ADAMTS4: variants seen among roughly 807,000 people sequenced by gnomAD.
The protein encoded by ADAMTS4 is ADAM metallopeptidase with thrombospondin type 1 motif 4.
In ADAMTS4, 38 loss-of-function variants were observed where a neutral mutation model predicts 66.7. The observed-to-expected ratio is 0.57, with a 90% CI of 0.44 to 0.75. The LOEUF (loss-of-function observed/expected upper bound fraction) is 0.75. Ranked by LOEUF, ADAMTS4 falls within the 30% of genes least tolerant of loss-of-function variation. ADAMTS4 has a pLI of 0.00. For synonymous variants in ADAMTS4, 418 were observed against 461.5 expected (o/e 0.91, Z 1.21); for missense variants, 1,014 against 1,116.7 (o/e 0.91, Z 1.31).
In ADAMTS4 at chr1:161,198,845, C is replaced by G. The variant is rs1242515647; in HGVS notation, c.-218G>C. The stretch of plus-strand genomic sequence containing the variant: ...CCCAGGGGTCTGGCTTCTCCAAACT[C>G]TCCTCCTGAGCCCTCCTTTCCTGGA... On this transcript the variant is annotated 5_prime_UTR_variant, in exon 1 of 9. Transcript: ENST00000367996. The surrounding 1 kb of genome is among the most constrained non-coding windows in gnomAD (Gnocchi z 4.7). 3 of 486,516 alleles carry G rather than the reference C, an allele frequency of 6.2e-6. No individual in the cohort carries two copies. The highest frequency in any genetic ancestry group is 1.1e-5 in the Non-Finnish European group (3 of 277,802). 30.1% of individuals were successfully genotyped at this position (486,516 alleles called of 1,614,324 possible).
rs373458115 is a variant in ADAMTS4 at position 161,198,378 on chromosome 1, G to A, written c.250C>T (p.Arg84Cys). Residue 84 changes from arginine (R) to cysteine (C), a missense_variant, in exon 1 of 9, where the codon CGC (arginine) becomes TGC (cysteine). Arg to Cys is a radical substitution (Grantham distance 180). Transcript: ENST00000367996. The surrounding 1 kb of genome is among the most constrained non-coding windows in gnomAD (Gnocchi z 4.7). ...GSGAPARLLC[R>C]LQAFGETLLL... is the part of the protein sequence containing the mutation. ...AGCGTCTCCCCAAAGGCCTGCAAGC[G>A]GCACAACAGCCTGGCAGGGGCGCCC... 2.3e-5 allele frequency: 37 copies of A among 1,612,456 alleles called. No individual in the cohort carries two copies. Among genetic ancestry groups the A allele is most frequent in the East Asian group, 1.6e-4 (7 of 44,806 alleles).
At chr1:161,195,401 T>G in intron 4 of ADAMTS4, 64 bp downstream of exon 4, 36 of 1,509,670 alleles carry the variant, frequency 2.4e-5, no homozygotes, top group Non-Finnish European at 2.6e-5. Flanking sequence ...GCAGCGGAAG[T>G]GAGAGTGCCC....
Position 161,195,503 on chromosome 1 carries a change from C to G in ADAMTS4, c.1223G>C (p.Ser408Thr), listed in dbSNP as rs1558075720. ...VDPEEPWSPCSARFITDFLDN... is the reference protein window; with the variant it reads ...VDPEEPWSPCTARFITDFLDN... ...CAGGAAGTCAGTGATGAAGCGGGCACTGCAGGGGGACCAGGGCTCCTCAGG... is the reference window on the plus strand; with the variant it reads ...CAGGAAGTCAGTGATGAAGCGGGCAGTGCAGGGGGACCAGGGCTCCTCAGG... The change falls in exon 4 of 9, where the codon AGT becomes ACT. Residue 408 changes from serine to threonine, a missense_variant. Physicochemically the swap from Ser to Thr is moderately conservative, Grantham distance 58 (BLOSUM62 1). Coordinates refer to ENST00000367996, the MANE Select transcript of ADAMTS4 (RefSeq NM_005099.6). 6.2e-7 allele frequency: 1 copy of G among 1,613,392 alleles called. No homozygotes were observed. The highest frequency in any genetic ancestry group is 8.5e-7 in the Non-Finnish European group (1 of 1,179,638).
rs1664734043 is a variant in ADAMTS4, at chr1:161,193,592, C to T, written c.1735+48G>A. ...TCTTGCACTCAAGGGACAGTCCTTC[C>T]TGCTCTACTGTCCCCTCCCAAGGGC... is the stretch of plus-strand genomic sequence containing the variant. On this transcript the variant is annotated intron_variant, in intron 6 of 8. Coordinates refer to ENST00000367996, the MANE Select transcript of ADAMTS4 (RefSeq NM_005099.6). This position sits in a 1 kb window ranked among gnomAD's most constrained non-coding sequence, Gnocchi z 4.4. 1 of 1,567,496 alleles carries T rather than the reference C, an allele frequency of 6.4e-7. No individual in the cohort carries two copies. Among genetic ancestry groups the T allele is most frequent in the Non-Finnish European group, 8.7e-7 (1 of 1,154,906 alleles).
Position 161,191,065 on chromosome 1 carries a change from A to G in ADAMTS4, c.*73T>C. On this transcript the variant is annotated 3_prime_UTR_variant, in exon 9 of 9. Coordinates refer to ENST00000367996, the MANE Select transcript of ADAMTS4 (RefSeq NM_005099.6). ...CCACTGAGTCTTAGCATGAGGCAGC[A>G]ACAGAAGCTCTCTCTTTCTCCCAGC... 4 of 1,474,410 alleles carry G rather than the reference A, an allele frequency of 2.7e-6. No individual in the cohort carries two copies. The highest frequency in any genetic ancestry group is 3.6e-6 in the Non-Finnish European group (4 of 1,107,824). 91.3% of individuals were successfully genotyped at this position (1,474,410 alleles called of 1,614,324 possible).
Position 161,198,213 on chromosome 1 carries a change from C to T in ADAMTS4, c.415G>A (p.Val139Met). ...CCCCCATCCCAGTGCAGAGATGCCA[C>T]CGACTCCGGATCTCCATTGATGGTG... ...TGTINGDPES[V>M]ASLHWDGGAL... Residue 139 changes from valine to methionine, a missense_variant, in exon 1 of 9, where the codon GTG (valine) becomes ATG (methionine). Physicochemically the swap from Val to Met is conservative, Grantham distance 21. Coordinates refer to ENST00000367996, the MANE Select transcript of ADAMTS4 (RefSeq NM_005099.6). This position sits in a 1 kb window ranked among gnomAD's most constrained non-coding sequence, Gnocchi z 4.7. 1 of 1,614,114 alleles carries T rather than the reference C, an allele frequency of 6.2e-7. No individual in the cohort carries two copies.
chr1:161,197,127 C>T, intron 1 of ADAMTS4: 1 of 489,750 alleles, frequency 2.0e-6, no homozygotes, highest in South Asian at 2.4e-5. Context: ...GAAGGGGACG[C>T]CACATCCCAG....
rs751090820 is a variant in ADAMTS4, at chr1:161,196,127, C to T, written c.1090+44G>A. 5.2e-6 allele frequency: 8 copies of T among 1,528,532 alleles called. No homozygotes were observed. In the Admixed American group the frequency reaches 1.0e-4, roughly 20 times the overall value. 94.7% of individuals were successfully genotyped at this position (1,528,532 alleles called of 1,614,324 possible). ...GTGGTGAACTTGCTACCCCCTCCCCCACCTTCTCCTCCCTAATACCTTTCT... is the reference window on the plus strand; with the variant it reads ...GTGGTGAACTTGCTACCCCCTCCCCTACCTTCTCCTCCCTAATACCTTTCT... On this transcript the variant is annotated intron_variant, in intron 3 of 8. Coordinates refer to ENST00000367996, the MANE Select transcript of ADAMTS4 (RefSeq NM_005099.6).
In ADAMTS4 at chr1:161,190,835, A is replaced by T; in HGVS notation, c.*303T>A. On this transcript the variant is annotated 3_prime_UTR_variant, in exon 9 of 9. Transcript: ENST00000367996. ...AATAAAAGTGAATAAATACTAAATA[A>T]ATACAACTGGGGCCCAGGCCCTCCC... 1 of 311,436 alleles carries T rather than the reference A, an allele frequency of 3.2e-6. No homozygotes were observed. Among genetic ancestry groups the T allele is most frequent in the East Asian group, 5.5e-5 (1 of 18,242 alleles). 19.3% of individuals were successfully genotyped at this position (311,436 alleles called of 1,614,324 possible).
At chr1:161,197,684 C>G (rs1664908433) in intron 1 of ADAMTS4, among the ~76,000 whole-genome samples, 1 of 151,982 alleles carries the variant, frequency 6.6e-6, no homozygotes, top group African/African-American at 2.4e-5. Flanking sequence ...GAGACCTTTA[C>G]TGCTGGGGAC....
chr1:161,193,717 C>T lies in ADAMTS4; in HGVS notation c.1658G>A (p.Arg553Gln), dbSNP rs751930428. The change falls in exon 6 of 9, where the codon CGG (arginine) becomes CAG (glutamine). Residue 553 changes from arginine (R) to glutamine (Q), a missense_variant. Physicochemically the swap from Arg to Gln is conservative, Grantham distance 43. Coordinates refer to ENST00000367996, the MANE Select transcript of ADAMTS4 (RefSeq NM_005099.6). The surrounding 1 kb of genome is among the most constrained non-coding windows in gnomAD (Gnocchi z 4.4). ...SSRDCTRPVP[R>Q]NGGKYCEGRR... is the part of the protein sequence containing the mutation. ...GCCCTCACAGTACTTGCCACCATTCCGGGGGACAGGCCTCGTGCAGTCTCG... is the reference window on the plus strand; with the variant it reads ...GCCCTCACAGTACTTGCCACCATTCTGGGGGACAGGCCTCGTGCAGTCTCG... The T allele has an allele frequency of 1.6e-5, 26 of 1,613,984 alleles. No homozygotes were observed. The highest frequency in any genetic ancestry group is 1.2e-4 in the South Asian group (11 of 91,074).
chr1:161,188,910 T>TATATATATATATATATATA lies in ADAMTS4; in HGVS notation c.*2227_*2228insTATATATATATATATATAT, dbSNP rs1558071757. The TATATATATATATATATATA allele has an allele frequency of 1.8e-5, 1 of 54,868 alleles. No homozygotes were observed. Among genetic ancestry groups the TATATATATATATATATATA allele is most frequent in the South Asian group, 6.9e-4 (1 of 1,454 alleles). The allele number at this position is 54,868 out of a possible 1,614,324, so 3.4% of individuals were successfully genotyped here. ...TATATATATATATATATATATATATTTTGTATTTTTAGTAGACACGGGGTT... is the reference window on the plus strand; with the variant it reads ...TATATATATATATATATATATATATTATATATATATATATATATATTGTATTTTTAGTAGACACGGGGTT... On this transcript the variant is annotated 3_prime_UTR_variant, in exon 9 of 9. Coordinates refer to ENST00000367996, the MANE Select transcript of ADAMTS4 (RefSeq NM_005099.6).
Position 161,191,285 on chromosome 1 carries a change from G to A in ADAMTS4, c.2367C>T (p.Gly789=), listed in dbSNP as rs771185545. The A allele has an allele frequency of 3.1e-6, 5 of 1,613,496 alleles. No individual in the cohort carries two copies. In the South Asian group the frequency reaches 3.3e-5, roughly 11 times the overall value. The change falls in exon 9 of 9, where the codon GGC becomes GGT. Residue 789 remains glycine, a synonymous_variant. Transcript: ENST00000367996. ...QPLTLQVLVA[G]NPQDTRLRYS... ...ATCGGAGGCGTGTGTCCTGGGGGTT[G>A]CCAGCCACTAGGACTTGCAGTGTCA...
chr1:161,193,142 A>G lies in ADAMTS4; in HGVS notation c.1911+71T>C. ...AGGGTTACTTTGGGTGATCTTTGTT[A>G]TCAGAAAGCAGAGGGAGCACTGCGG... On this transcript the variant is annotated intron_variant, in intron 7 of 8. Coordinates refer to ENST00000367996, the MANE Select transcript of ADAMTS4 (RefSeq NM_005099.6). The surrounding 1 kb of genome is among the most constrained non-coding windows in gnomAD (Gnocchi z 4.4). The G allele has an allele frequency of 6.7e-7, 1 of 1,488,568 alleles. No individual in the cohort carries two copies. Among genetic ancestry groups the G allele is most frequent in the South Asian group, 1.3e-5 (1 of 77,082 alleles). 92.2% of individuals were successfully genotyped at this position (1,488,568 alleles called of 1,614,324 possible). A position where few individuals can be genotyped will look rare whatever the true frequency, so the allele number is the denominator to read the frequency against.
intron 8 of ADAMTS4, 67 bp from the exon 9 acceptor site, chr1:161,191,631 T>A: frequency 6.9e-7 from 1 of 1,441,678 alleles, no homozygotes; most frequent in Admixed American, 1.9e-5. Context: ...GAGCTGTGCT[T>A]ATGTGACTGT....
rs1664530512 is a variant in ADAMTS4 at position 161,185,725 on chromosome 1, T to G, written c.*5413A>C. 6.6e-6 allele frequency: 1 copy of G among 152,140 alleles called. No homozygotes were observed. The highest frequency in any genetic ancestry group is 2.4e-5 in the African/African-American group (1 of 41,410). 9.4% of individuals were successfully genotyped at this position (152,140 alleles called of 1,614,324 possible). On this transcript the variant is annotated 3_prime_UTR_variant, in exon 9 of 9. Transcript: ENST00000367996. ...GAAAACAAAATACTGTAATACTGTA[T>G]GAAGATTACAGAAATGAGACTAGAG... is the stretch of plus-strand genomic sequence containing the variant.
In ADAMTS4 at chr1:161,192,066, T is replaced by C; in HGVS notation, c.2086A>G (p.Arg696Gly). The C allele has an allele frequency of 6.2e-7, 1 of 1,613,618 alleles. No homozygotes were observed. Among genetic ancestry groups the C allele is most frequent in the Non-Finnish European group, 8.5e-7 (1 of 1,179,724 alleles). ...AGGGAGGAATGATGGTGAAAGAACC[T>C]GAATTTCCTGAAGGAGCCTGACTGC... Reference protein sequence around the residue: ...SKQSGSFRKFRYGYNNVVTIP... With the variant: ...SKQSGSFRKFGYGYNNVVTIP... The change falls in exon 8 of 9, where the codon AGG becomes GGG. Residue 696 changes from arginine to glycine, a missense_variant and splice_region_variant. Coordinates refer to ENST00000367996, the MANE Select transcript of ADAMTS4 (RefSeq NM_005099.6).
At position 161,191,501 on chromosome 1, in the gene ADAMTS4, C is replaced by A; in HGVS notation, c.2151G>T (p.Gln717His). ...AGATGCTCCGGTGGCCAGGGTTTCC[C>A]TGCTGCCGGACAAGAATGTGGGTGG... ...AGATHILVRQ[Q>H]GNPGHRSIYL... is the part of the protein sequence containing the mutation. The change falls in exon 9 of 9, where the codon CAG (glutamine) becomes CAT (histidine). Residue 717 changes from glutamine to histidine, a missense_variant. By Grantham distance (24) the Gln-to-His change is conservative (BLOSUM62 0). Coordinates refer to ENST00000367996, the MANE Select transcript of ADAMTS4 (RefSeq NM_005099.6). 1.9e-6 allele frequency: 3 copies of A among 1,614,058 alleles called. No homozygotes were observed. Among genetic ancestry groups the A allele is most frequent in the Non-Finnish European group, 1.7e-6 (2 of 1,179,932 alleles).
intron 1 of ADAMTS4, chr1:161,197,576 C>A: frequency 5.5e-6 from 1 of 181,306 alleles, no homozygotes; most frequent in Non-Finnish European, 1.1e-5. Flanking sequence ...AGCCAGACAC[C>A]AAGCCCTAGG....
Sources: gnomAD v4.1 joint callset for allele counts (sites outside exome capture counted in the v4.1 genomes callset) on GRCh38, gnomAD v4.1.1 for gene constraint, Gnocchi (gnomAD v3.1) non-coding constraint, MANE v1.5 for transcripts, NCBI Gene and HGNC (gene_info 2026-07-23, HGNC 2026-07-21) for gene names.